TUB: variants seen among roughly 807,000 people sequenced by gnomAD.
TUB encodes tubby protein homolog.
A neutral mutation model predicts 59.7 loss-of-function variants in TUB; 33 were observed. The ratio of observed to expected loss-of-function variants is 0.55; its 90% confidence interval spans 0.42 to 0.74. TUB has a LOEUF of 0.74. TUB is among the 30% of genes least tolerant of loss of function. TUB has a pLI of 0.00. For synonymous variants in TUB, 293 were observed against 256.4 expected (o/e 1.14, Z -1.36); for missense variants, 659 against 672.0 (o/e 0.98, Z 0.21).
chr11:8,077,548 A>G (rs984040923), upstream of TUB: 1 of 152,140 alleles, frequency 6.6e-6, no homozygotes, highest in African/African-American at 2.4e-5. Flanking sequence ...CAATTGTAGA[A>G]TCTCAGTAAC....
intron 6 of TUB, 121 bp downstream of exon 6, chr11:8,096,927 T>TC: frequency 8.9e-7 from 1 of 1,122,336 alleles, no homozygotes; most frequent in Non-Finnish European, 1.3e-6. Flanking sequence ...GCCTCTTATG[T>TC]CCCTCTACCT....
chr11:8,030,287 T>C (rs1273489268), intron 1 of TUB, among the ~76,000 whole-genome samples: 1 of 152,182 alleles, frequency 6.6e-6, no homozygotes, highest in Non-Finnish European at 1.5e-5. Flanking sequence ...CAGCTATGCC[T>C]ACAGTCTGGA....
chr11:8,095,022 C>G lies in TUB; in HGVS notation c.398-476C>G, dbSNP rs550611257. On this transcript the variant is annotated intron_variant, in intron 4 of 11. Coordinates refer to ENST00000299506, the MANE Select transcript of TUB (RefSeq NM_177972.3). Reference sequence around the variant, plus strand: ...TGGGAAGGCGAGTGTATGCCAATTGCAATCTTTCTCAAGGGGCCCACGTTT... The same window carrying G: ...TGGGAAGGCGAGTGTATGCCAATTGGAATCTTTCTCAAGGGGCCCACGTTT... Among the ~76,000 whole-genome samples, 10 of 152,298 alleles carry G rather than the reference C, an allele frequency of 6.6e-5. No individual in the cohort carries two copies. In the South Asian group the frequency reaches 2.1e-3, roughly 32 times the overall value.
At chr11:8,043,208 G>A (rs761631982) in intron 2 of TUB, among the ~76,000 whole-genome samples, 1 of 152,064 alleles carries the variant, frequency 6.6e-6, no homozygotes, top group Non-Finnish European at 1.5e-5. Flanking sequence ...CCATTGAATG[G>A]TCTCGCTATC....
chr11:8,029,193 A>C (rs1487884120), intron 1 of TUB, among the ~76,000 whole-genome samples: 4 of 152,136 alleles, frequency 2.6e-5, no homozygotes, highest in Non-Finnish European at 5.9e-5. Context: ...CGGGTTCCCA[A>C]ACAAAGCATG....
intron 1 of TUB, chr11:8,019,454 G>A: frequency 1.7e-6 from 2 of 1,192,288 alleles, no homozygotes; most frequent in Non-Finnish European, 2.1e-6. Flanking sequence ...TGGCGCGAGC[G>A]CCCGACCCCC....
In TUB at chr11:8,087,306, T is replaced by A. The variant is rs1448865047; in HGVS notation, c.39-2304T>A. Among the ~76,000 whole-genome samples, 6 of 152,370 alleles carry A rather than the reference T, an allele frequency of 3.9e-5. No homozygotes were observed. The East Asian group carries it at 1.2e-3, about 29-fold the overall frequency. On this transcript the variant is annotated intron_variant, in intron 1 of 11. Transcript: ENST00000299506. ...GAGCGTCAGCACCATGGAAGTCATC[T>A]TCTTTGTCTTGCTCAGCCAAGCCCA...
intron 1 of TUB, among the ~76,000 whole-genome samples, chr11:8,029,798 G>A (rs969920439): frequency 6.6e-6 from 1 of 152,176 alleles, no homozygotes; most frequent in African/African-American, 2.4e-5. Flanking sequence ...AGGACAGCTG[G>A]GATTGGAGGT....
intron 1 of TUB, among the ~76,000 whole-genome samples, chr11:8,032,728 T>C (rs942580220): frequency 2.6e-5 from 4 of 152,160 alleles, no homozygotes; most frequent in Admixed American, 6.5e-5. Context: ...CCTGGGAACA[T>C]TTCTTTGGGG....
chr11:8,101,854 A>G lies in TUB; in HGVS notation c.*235A>G. 1.5e-5 allele frequency: 7 copies of G among 468,386 alleles called. No homozygotes were observed. Among genetic ancestry groups the G allele is most frequent in the South Asian group, 7.2e-5 (2 of 27,770 alleles). 29.0% of individuals were successfully genotyped at this position (468,386 alleles called of 1,614,324 possible). On this transcript the variant is annotated 3_prime_UTR_variant, in exon 12 of 12. Transcript: ENST00000299506. ...TGAAGGGATGAGAATAATTCTTTCC[A>G]TGCCACGAGATCAACACACACTCCC...
At chr11:8,061,288 C>G (rs1943120688) in intron 2 of TUB, among the ~76,000 whole-genome samples, 1 of 152,242 alleles carries the variant, frequency 6.6e-6, no homozygotes, top group African/African-American at 2.4e-5. Flanking sequence ...CAGAGCTTCC[C>G]TCAAACCTTG....
At chr11:8,064,817 C>G (rs186778071) in intron 2 of TUB, among the ~76,000 whole-genome samples, 1 of 152,210 alleles carries the variant, frequency 6.6e-6, no homozygotes, top group Non-Finnish European at 1.5e-5. Context: ...TCAGGGCAGA[C>G]ATGGCTGGTG....
rs751661721 is a variant in TUB, at chr11:8,094,090, C to T, written c.298C>T (p.Arg100Cys). 5.1e-5 allele frequency: 83 copies of T among 1,614,034 alleles called. No homozygotes were observed. Among genetic ancestry groups the T allele is most frequent in the Middle Eastern group, 1.6e-4 (1 of 6,084 alleles). ...CGCCAGTGTGCAGCTGGGAGCCACGCGCCCAACAGCACCAGCTTCAGCCAA... is the reference window on the plus strand; with the variant it reads ...CGCCAGTGTGCAGCTGGGAGCCACGTGCCCAACAGCACCAGCTTCAGCCAA... The part of the protein sequence containing the change: ...SLASVQLGAT[R>C]PTAPASAKRT... The change falls in exon 4 of 12, where the codon CGC (arginine) becomes TGC (cysteine). Residue 100 changes from arginine to cysteine, a missense_variant. Around this residue, in one of 3 missense-constraint regions of TUB, gnomAD observed 321 missense variants for 304.3 expected, o/e 1.05. Transcript: ENST00000299506.
At chr11:8,083,598 T>G (rs7946954) in intron 1 of TUB, among the ~76,000 whole-genome samples, 114,605 of 150,396 alleles carry the variant, frequency 0.76, 47,147 homozygotes, top group East Asian at 1. Flanking sequence ...GTCCAACTAC[T>G]ATCTCCCCTC....
chr11:8,035,393 G>T (rs1361174909), upstream of TUB: 1 of 152,280 alleles, frequency 6.6e-6, no homozygotes, highest in Non-Finnish European at 1.5e-5. Flanking sequence ...CCTCAGGCGA[G>T]AGCTTTATTC....
chr11:8,059,117 C>T (rs1033078610), intron 2 of TUB, among the ~76,000 whole-genome samples: 1 of 152,076 alleles, frequency 6.6e-6, no homozygotes, highest in African/African-American at 2.4e-5. Context: ...ACCCTGGGAG[C>T]AGTGTCTTAG....
At chr11:8,073,202 T>C (rs1250571143) in intron 2 of TUB, among the ~76,000 whole-genome samples, 1 of 152,156 alleles carries the variant, frequency 6.6e-6, no homozygotes, top group Non-Finnish European at 1.5e-5. Flanking sequence ...GCACCACCTT[T>C]TTTGGGACTC....
rs756085588 is a variant in TUB, at chr11:8,081,578, C to T, written c.38+30C>T. The T allele has an allele frequency of 4.6e-6, 7 of 1,511,912 alleles. No individual in the cohort carries two copies. The African/African-American group carries it at 5.8e-5, about 12-fold the overall frequency. The allele number at this position is 1,511,912 out of a possible 1,614,324, so 93.7% of individuals were successfully genotyped here. A position where few individuals can be genotyped will look rare whatever the true frequency, so the allele number is the denominator to read the frequency against. ...GCGGGCGCCGGGCCGGGGCGCCCAC[C>T]ACTCCCGACTCGGGACGTGAGCTGG... On this transcript the variant is annotated intron_variant, in intron 1 of 11. Coordinates refer to ENST00000299506, the MANE Select transcript of TUB (RefSeq NM_177972.3).
intron 1 of TUB, among the ~76,000 whole-genome samples, chr11:8,081,808 T>G (rs1251152341): frequency 1.3e-5 from 2 of 152,194 alleles, no homozygotes; most frequent in African/African-American, 4.8e-5. Context: ...CAGCACCATG[T>G]GGCCGCCTGG....
Sources: allele counts gnomAD v4.1 joint callset (sites outside exome capture counted in the v4.1 genomes callset), GRCh38; gene constraint gnomAD v4.1.1; regional missense constraint gnomAD v4.1.1; transcripts MANE v1.5; gene names NCBI Gene and HGNC (gene_info 2026-07-23, HGNC 2026-07-21).